The following ACADSB variants were observed in gnomAD, a reference collection of about 807,000 sequenced individuals.
ACADSB encodes the protein short/branched chain specific acyl-CoA dehydrogenase, mitochondrial.
A neutral mutation model predicts 54.1 loss-of-function variants in ACADSB; 40 were observed. The ratio of observed to expected loss-of-function variants is 0.74; its 90% CI spans 0.57 to 0.96. The LOEUF is 0.96. Among genes scored for constraint, ACADSB ranks in the 40% least tolerant of loss-of-function variants. The probability of loss-of-function intolerance (pLI) is 0.00; values close to 1 mark genes in which losing one functional copy is unlikely to be tolerated. For synonymous variants in ACADSB, 182 were observed against 182.8 expected (o/e 1.00, Z 0.03); for missense variants, 530 against 510.4 (o/e 1.04, Z -0.37).
At chr10:123,015,582 G>A (rs966009751) in intron 1 of ACADSB, among the ~76,000 whole-genome samples, 2 of 152,194 alleles carry the variant, frequency 1.3e-5, no homozygotes, top group African/African-American at 4.8e-5. Context: ...TGAGAACCAC[G>A]GATGTAGACC....
chr10:123,031,131 CTGTAATTTCTT>C (rs1850321152), intron 1 of ACADSB, among the ~76,000 whole-genome samples: 1 of 152,158 alleles, frequency 6.6e-6, no homozygotes, highest in Non-Finnish European at 1.5e-5. Flanking sequence ...ATAAAAGTAT[CTGTAATTTCTT>C]TTGATGACAG....
chr10:123,047,323 G>C, intron 8 of ACADSB, 25 bp downstream of exon 8: 1 of 1,486,216 alleles, frequency 6.7e-7, no homozygotes, highest in Non-Finnish European at 9.4e-7. Context: ...GGGTCTTTCT[G>C]CTGTGTTAGA....
Position 123,034,378 on chromosome 10 carries a change from G to T in ACADSB, c.65G>T (p.Cys22Phe), listed in dbSNP as rs754348388. ...CAGCTAAGAAGAAATTTCCTGACTT[G>T]TTTGTCTTCTTGGAAGATTCCTCCT... ...SRLLRRNFLT[C>F]LSSWKIPPHV... Residue 22 changes from cysteine to phenylalanine, a missense_variant, in exon 2 of 11, where the codon TGT becomes TTT. Coordinates refer to ENST00000358776, the MANE Select transcript of ACADSB (RefSeq NM_001609.4). The T allele has an allele frequency of 6.2e-7, 1 of 1,613,792 alleles. No individual in the cohort carries two copies. Among genetic ancestry groups the T allele is most frequent in the African/African-American group, 1.3e-5 (1 of 75,040 alleles).
At chr10:123,040,695 T>C (rs760587087) in intron 4 of ACADSB, 23 bp downstream of exon 4, 5 of 1,581,272 alleles carry the variant, frequency 3.2e-6, no homozygotes, top group Non-Finnish European at 4.3e-6. Flanking sequence ...GAATTGTTGA[T>C]CTAATGGATC....
chr10:123,027,952 A>G (rs891872074), intron 1 of ACADSB, among the ~76,000 whole-genome samples: 2 of 152,202 alleles, frequency 1.3e-5, no homozygotes, highest in Admixed American at 1.3e-4. Context: ...GGTGTGACCC[A>G]GGAGCTCATC....
intron 9 of ACADSB, 65 bp downstream of exon 9, chr10:123,051,251 C>G: frequency 3.7e-6 from 5 of 1,352,220 alleles, no homozygotes; most frequent in Non-Finnish European, 4.8e-6. Flanking sequence ...CAGATATATA[C>G]TTATTAACAT....
Position 123,058,246 on chromosome 10 carries a change from A to G in ACADSB, c.*4481A>G, listed in dbSNP as rs1279018092. The G allele has an allele frequency of 6.6e-6, 1 of 152,260 alleles. No homozygotes were observed. The highest frequency in any genetic ancestry group is 1.5e-5 in the Non-Finnish European group (1 of 68,042). 9.4% of individuals were successfully genotyped at this position (152,260 alleles called of 1,614,324 possible). ...GATTGTATTCGATGTTACAAAACCA[A>G]TATTCTATGGAGAATGAAAAAAATA... On this transcript the variant is annotated 3_prime_UTR_variant, in exon 11 of 11. Coordinates refer to ENST00000358776, the MANE Select transcript of ACADSB (RefSeq NM_001609.4).
chr10:123,052,690 G>A lies in ACADSB; in HGVS notation c.1129-371G>A, dbSNP rs1850647906. The A allele has an allele frequency of 7.0e-6, 2 of 283,894 alleles. 1 individual carries two copies. The highest frequency in any genetic ancestry group is 7.4e-5 in the South Asian group (2 of 27,148). 17.6% of individuals were successfully genotyped at this position (283,894 alleles called of 1,614,324 possible). The stretch of plus-strand genomic sequence containing the variant: ...ATCCCAGCCCACTGGCTGTCTCAGG[G>A]GCTGGAAGTTGAAGAGCTCATTCTC... On this transcript the variant is annotated intron_variant, in intron 9 of 10. Coordinates refer to ENST00000358776, the MANE Select transcript of ACADSB (RefSeq NM_001609.4). The surrounding 1 kb of genome is among the most constrained non-coding windows in gnomAD (Gnocchi z 4.2).
intron 8 of ACADSB, among the ~76,000 whole-genome samples, chr10:123,048,885 C>T (rs184880307): frequency 5.9e-5 from 9 of 152,234 alleles, no homozygotes; most frequent in South Asian, 2.1e-4. Flanking sequence ...CCCGCCACCA[C>T]GCCCAGCTAA....
At chr10:123,048,225 G>T (rs771126404) in intron 8 of ACADSB, among the ~76,000 whole-genome samples, 3 of 152,118 alleles carry the variant, frequency 2.0e-5, no homozygotes, top group Non-Finnish European at 4.4e-5. Flanking sequence ...GGCATCCTAC[G>T]AGCACACTCA....
In ACADSB at chr10:123,019,704, G is replaced by C. The variant is rs114843212; in HGVS notation, c.42+10633G>C. Among the ~76,000 whole-genome samples, 249 of 152,274 alleles carry C rather than the reference G, an allele frequency of 1.6e-3. 2 individuals carry two copies. The highest frequency in any genetic ancestry group is 5.6e-3 in the African/African-American group (232 of 41,564). ...CAATATGATACAGCAAGCTTTTTCA[G>C]ATATTCCCAGTTTTACATGTATATG... is the stretch of plus-strand genomic sequence containing the variant. On this transcript the variant is annotated intron_variant, in intron 1 of 10. Coordinates refer to ENST00000358776, the MANE Select transcript of ACADSB (RefSeq NM_001609.4).
chr10:123,017,802 C>T (rs1159270178), intron 1 of ACADSB, among the ~76,000 whole-genome samples: 4 of 152,092 alleles, frequency 2.6e-5, no homozygotes, highest in African/African-American at 4.8e-5. Context: ...TAATGAAAGT[C>T]GGGGGTGGCT....
chr10:123,020,414 T>C (rs1182226390), intron 1 of ACADSB, among the ~76,000 whole-genome samples: 2 of 152,200 alleles, frequency 1.3e-5, no homozygotes, highest in Non-Finnish European at 2.9e-5. Flanking sequence ...AAAGAAGCAT[T>C]ATGCCAACTC....
At chr10:123,012,687 G>C (rs1308448975) in intron 1 of ACADSB, among the ~76,000 whole-genome samples, 1 of 151,866 alleles carries the variant, frequency 6.6e-6, no homozygotes, top group Non-Finnish European at 1.5e-5. Flanking sequence ...CGGTGGGCTT[G>C]TGGCCTCGCT....
At chr10:123,025,466 A>AAAAT (rs74899167) in intron 1 of ACADSB, among the ~76,000 whole-genome samples, 43,820 of 150,236 alleles carry the variant, frequency 0.29, 7,501 homozygotes, top group Non-Finnish European at 0.39. Flanking sequence ...CCTGTCACGA[A>AAAAT]AAATAAATAA....
intron 7 of ACADSB, among the ~76,000 whole-genome samples, chr10:123,046,991 A>G (rs1850568495): frequency 6.6e-6 from 1 of 152,216 alleles, no homozygotes; most frequent in Non-Finnish European, 1.5e-5. Context: ...GCTCATATTC[A>G]CATGAAATCA....
intron 1 of ACADSB, among the ~76,000 whole-genome samples, chr10:123,021,287 C>G (rs1850180787): frequency 6.6e-6 from 1 of 152,168 alleles, no homozygotes; most frequent in Non-Finnish European, 1.5e-5. Context: ...TTCTCATAAT[C>G]CCTTTACAAA....
intron 8 of ACADSB, among the ~76,000 whole-genome samples, chr10:123,050,316 G>A (rs935622271): frequency 1.3e-5 from 2 of 152,198 alleles, no homozygotes; most frequent in South Asian, 2.1e-4. Flanking sequence ...AACTCTGGCT[G>A]TAATGTTCAG....
rs66574740 is a variant in ACADSB, at chr10:123,030,526, C to CAAA, written c.43-3815_43-3813dup. On this transcript the variant is annotated intron_variant, in intron 1 of 10. Coordinates refer to ENST00000358776, the MANE Select transcript of ACADSB (RefSeq NM_001609.4). The stretch of plus-strand genomic sequence containing the variant: ...TGGGTGACAGAGCGAGACTCTGTCT[C>CAAA]AAAAAAAAAAAAAAAAAGAAAAGAA... Among the ~76,000 whole-genome samples, 8 of 95,866 alleles carry CAAA rather than the reference C, an allele frequency of 8.3e-5. No individual in the cohort carries two copies. In the East Asian group the frequency reaches 1.7e-3, roughly 21 times the overall value. 62.9% of individuals were successfully genotyped at this position (95,866 alleles called of 152,430 possible). A position where few individuals can be genotyped will look rare whatever the true frequency, so the allele number is the denominator to read the frequency against.
Sources: gnomAD v4.1 joint callset for allele counts (sites outside exome capture counted in the v4.1 genomes callset) on GRCh38, gnomAD v4.1.1 for gene constraint, Gnocchi (gnomAD v3.1) non-coding constraint, MANE v1.5 for transcripts, NCBI Gene and HGNC (gene_info 2026-07-23, HGNC 2026-07-21) for gene names.